The following RPS6KC1 variants were observed in gnomAD, a reference collection of about 807,000 sequenced individuals.
The protein encoded by RPS6KC1 is ribosomal protein S6 kinase C1.
In RPS6KC1, 54 loss-of-function variants were observed where a neutral mutation model predicts 103.8. The observed-to-expected ratio is 0.52, with a 90% CI of 0.42 to 0.65. RPS6KC1 has a LOEUF of 0.65. Ranked by LOEUF, RPS6KC1 falls within the 30% of genes least tolerant of loss-of-function variation. The probability of loss-of-function intolerance (pLI) is 0.00; values close to 1 mark genes in which losing one functional copy is unlikely to be tolerated. For synonymous variants in RPS6KC1, 439 were observed against 438.7 expected (o/e 1.00, Z -0.01); for missense variants, 1,151 against 1,253.8 (o/e 0.92, Z 1.24).
At chr1:213,800,573 C>T in the RPS6KC1 span, among the ~76,000 whole-genome samples, 1 of 152,172 alleles carries the variant, frequency 6.6e-6, no homozygotes, top group Non-Finnish European at 1.5e-5. Context: ...TAAGTCACAA[C>T]CTCACTGTGC....
At chr1:213,528,665 A>G in the RPS6KC1 span, among the ~76,000 whole-genome samples, 2 of 152,162 alleles carry the variant, frequency 1.3e-5, no homozygotes, top group African/African-American at 4.8e-5. Context: ...TAGTAGCAGC[A>G]TTGGTAGTAT....
At chr1:213,105,117 C>T (rs1187920279) in intron 4 of RPS6KC1, among the ~76,000 whole-genome samples, 2 of 151,634 alleles carry the variant, frequency 1.3e-5, no homozygotes, top group Non-Finnish European at 2.9e-5. Context: ...AAATATAAAA[C>T]TGCACAGTTT....
At chr1:213,323,777 G>A in the RPS6KC1 span, among the ~76,000 whole-genome samples, 1 of 151,924 alleles carries the variant, frequency 6.6e-6, no homozygotes, top group East Asian at 1.9e-4. Context: ...CATTTACTCC[G>A]TGACCCTACT....
In RPS6KC1 at chr1:213,084,978, C is replaced by G. The variant is rs1030923831; in HGVS notation, c.262+7162C>G. Among the ~76,000 whole-genome samples the G allele has an allele frequency of 3.3e-5, 5 of 152,118 alleles. No individual in the cohort carries two copies. The East Asian group carries it at 9.6e-4, about 29-fold the overall frequency. ...TGGTCAAGGTATTGTCAAGCTTTTC[C>G]ACTGTGTTAGTTTCCTGGGGCTGCC... On this transcript the variant is annotated intron_variant, in intron 3 of 14. Transcript: ENST00000366960.
At chr1:213,168,276 G>C (rs1423315450) in intron 7 of RPS6KC1, among the ~76,000 whole-genome samples, 1 of 152,160 alleles carries the variant, frequency 6.6e-6, no homozygotes, top group African/African-American at 2.4e-5. Context: ...ACATTTTAAA[G>C]TTAGATTGTG....
chr1:213,745,652 A>G, the RPS6KC1 span, among the ~76,000 whole-genome samples: 1 of 152,212 alleles, frequency 6.6e-6, no homozygotes, highest in East Asian at 1.9e-4. Context: ...TGCAGCTGTG[A>G]GGCATGGATG....
intron 8 of RPS6KC1, among the ~76,000 whole-genome samples, chr1:213,230,094 C>G (rs2094055147): frequency 6.6e-6 from 1 of 152,094 alleles, no homozygotes; most frequent in Non-Finnish European, 1.5e-5. Flanking sequence ...TTATTGAGAT[C>G]ACATTATAGC....
At chr1:213,218,519 A>G (rs1463048610) in intron 8 of RPS6KC1, among the ~76,000 whole-genome samples, 1 of 152,182 alleles carries the variant, frequency 6.6e-6, no homozygotes, top group Non-Finnish European at 1.5e-5. Context: ...GGAAAAAACT[A>G]CTTTAAAGTT....
At chr1:213,539,371 C>T in the RPS6KC1 span, among the ~76,000 whole-genome samples, 10 of 152,332 alleles carry the variant, frequency 6.6e-5, no homozygotes, top group Admixed American at 5.2e-4. Flanking sequence ...ATTAACATCC[C>T]TCTCTGTGGT....
At chr1:213,398,638 A>G in the RPS6KC1 span, among the ~76,000 whole-genome samples, 1 of 152,102 alleles carries the variant, frequency 6.6e-6, no homozygotes, top group Admixed American at 6.5e-5. Context: ...TTGTGTAATT[A>G]TTCATGTTTT....
chr1:213,328,026 A>G, the RPS6KC1 span, among the ~76,000 whole-genome samples: 3 of 151,772 alleles, frequency 2.0e-5, no homozygotes, highest in Non-Finnish European at 4.4e-5. Flanking sequence ...CATTATCTGA[A>G]ATTTATTTTT....
chr1:213,632,522 A>G, the RPS6KC1 span, among the ~76,000 whole-genome samples: 4 of 152,252 alleles, frequency 2.6e-5, no homozygotes, highest in Non-Finnish European at 5.9e-5. Flanking sequence ...GGACATCCAC[A>G]CCAAAACCCC....
At chr1:213,733,945 C>A in the RPS6KC1 span, among the ~76,000 whole-genome samples, 2 of 152,150 alleles carry the variant, frequency 1.3e-5, no homozygotes, top group South Asian at 2.1e-4. Flanking sequence ...TCACAGCAAC[C>A]CTGTGCAAAT....
chr1:213,209,805 A>G (rs1365852735), intron 8 of RPS6KC1, among the ~76,000 whole-genome samples: 2 of 151,578 alleles, frequency 1.3e-5, no homozygotes, highest in African/African-American at 4.8e-5. Flanking sequence ...TCTTGATTAT[A>G]GAAACTGAAC....
the RPS6KC1 span, among the ~76,000 whole-genome samples, chr1:213,824,918 G>A: frequency 2.6e-5 from 4 of 152,114 alleles, no homozygotes; most frequent in African/African-American, 7.2e-5. Flanking sequence ...TGGGACCAAC[G>A]GGCTGCCTAA....
the RPS6KC1 span, among the ~76,000 whole-genome samples, chr1:213,506,449 A>G: frequency 6.6e-6 from 1 of 152,252 alleles, no homozygotes; most frequent in African/African-American, 2.4e-5. Flanking sequence ...CTGTATTCTC[A>G]GAAAGACAGG....
At chr1:213,602,074 CTTTCTCTTTCTT>C in the RPS6KC1 span, among the ~76,000 whole-genome samples, 11 of 50,058 alleles carry the variant, frequency 2.2e-4, 3 homozygotes, top group South Asian at 6.9e-3. Flanking sequence ...TTCTTTCTTT[CTTTCTCTTTCTT>C]TCTTTCTTTC....
the RPS6KC1 span, among the ~76,000 whole-genome samples, chr1:213,600,022 C>T: frequency 2.6e-5 from 4 of 152,142 alleles, no homozygotes; most frequent in African/African-American, 7.2e-5. Flanking sequence ...TGGTTTCCCT[C>T]TTGCTATTCT....
At chr1:213,383,435 T>C in the RPS6KC1 span, among the ~76,000 whole-genome samples, 2 of 152,188 alleles carry the variant, frequency 1.3e-5, no homozygotes, top group Non-Finnish European at 2.9e-5. Flanking sequence ...GCCCTTCCCT[T>C]GAAAGTAGAC....
Sources: allele counts gnomAD v4.1 joint callset (sites outside exome capture counted in the v4.1 genomes callset), GRCh38; gene constraint gnomAD v4.1.1; transcripts MANE v1.5; gene names NCBI Gene and HGNC (gene_info 2026-07-23, HGNC 2026-07-21).